Variants in LAMA2 observed in about 807,000 individuals in gnomAD.
LAMA2 encodes the protein laminin subunit alpha-2.
In LAMA2, 269 loss-of-function variants were observed where a neutral mutation model predicts 364.8. That is an observed-to-expected ratio of 0.74 (90% CI 0.67 to 0.82). LAMA2 has a LOEUF of 0.82. Ranked by LOEUF, LAMA2 falls within the 40% of genes least tolerant of loss-of-function variation. LAMA2 has a pLI of 0.00. For missense variants in LAMA2, 3,807 were observed against 3,873.2 expected (o/e 0.98, Z 0.45); for synonymous variants, 1,379 against 1,370.6 (o/e 1.01, Z -0.14).
Position 128,909,765 on chromosome 6 carries a change from T to G in LAMA2, c.112+26408T>G, listed in dbSNP as rs564012813. Among the ~76,000 whole-genome samples, 6 of 152,278 alleles carry G rather than the reference T, an allele frequency of 3.9e-5. No individual in the cohort carries two copies. The East Asian group carries it at 1.2e-3, about 29-fold the overall frequency. On this transcript the variant is annotated intron_variant, in intron 1 of 64. Coordinates refer to ENST00000421865, the MANE Select transcript of LAMA2 (RefSeq NM_000426.4). ...TTTACATTTTGGCATGATTTTGCAG[T>G]GGCTTGTACTGGTTGTTCCTTTCCA...
At chr6:129,066,306 A>C (rs949793254) in intron 3 of LAMA2, among the ~76,000 whole-genome samples, 7 of 151,622 alleles carry the variant, frequency 4.6e-5, no homozygotes, top group Non-Finnish European at 1.0e-4. Flanking sequence ...CGGCCTCCCA[A>C]AGTGCTGGGA....
chr6:129,141,337 T>C (rs1778113587), intron 4 of LAMA2, among the ~76,000 whole-genome samples: 1 of 152,046 alleles, frequency 6.6e-6, no homozygotes, highest in South Asian at 2.1e-4. Flanking sequence ...ACCTGCTAGG[T>C]GCCAGAAATG....
Position 129,106,150 on chromosome 6 carries a change from A to G in LAMA2, c.639+7735A>G, listed in dbSNP as rs547099285. Among the ~76,000 whole-genome samples, 194 of 148,780 alleles carry G rather than the reference A, an allele frequency of 1.3e-3. 2 individuals are homozygous for G. Among genetic ancestry groups the G allele is most frequent in the African/African-American group, 4.6e-3 (187 of 40,776 alleles). On this transcript the variant is annotated intron_variant, in intron 4 of 64. Transcript: ENST00000421865. Reference sequence around the variant, plus strand: ...GAGAAACCATCATTAAATCTTGAAGACACTTTTTTTTTTTTTTGTAAACTG... The same window carrying G: ...GAGAAACCATCATTAAATCTTGAAGGCACTTTTTTTTTTTTTTGTAAACTG...
At chr6:129,488,638 C>G (rs1324423370) in intron 56 of LAMA2, among the ~76,000 whole-genome samples, 2 of 152,172 alleles carry the variant, frequency 1.3e-5, no homozygotes, top group Non-Finnish European at 2.9e-5. Context: ...TTTTGCCATT[C>G]ATTGTTAATT....
intron 41 of LAMA2, among the ~76,000 whole-genome samples, chr6:129,434,239 A>G: frequency 6.6e-6 from 1 of 152,158 alleles, no homozygotes; most frequent in South Asian, 2.1e-4. Context: ...GTGCCATTTC[A>G]ATGGGCATGT....
chr6:129,228,615 G>A (rs1562356677), intron 12 of LAMA2, among the ~76,000 whole-genome samples: 1 of 152,020 alleles, frequency 6.6e-6, no homozygotes, highest in Non-Finnish European at 1.5e-5. Context: ...CATAACACAT[G>A]TGTATAATAC....
chr6:129,148,403 T>C (rs1454867886), intron 6 of LAMA2, among the ~76,000 whole-genome samples: 1 of 152,034 alleles, frequency 6.6e-6, no homozygotes, highest in Non-Finnish European at 1.5e-5. Flanking sequence ...AGCTAATGCA[T>C]GCAGGGTGCT....
intron 1 of LAMA2, among the ~76,000 whole-genome samples, chr6:128,906,102 C>T (rs1187360859): frequency 1.1e-4 from 16 of 148,842 alleles, no homozygotes; most frequent in Non-Finnish European, 1.9e-4. Flanking sequence ...CATATGTGTG[C>T]ATGTGTCTTT....
intron 32 of LAMA2, among the ~76,000 whole-genome samples, 168 bp from the exon 33 acceptor site, chr6:129,366,051 T>C (rs1777755491): frequency 6.6e-6 from 1 of 152,206 alleles, no homozygotes; most frequent in South Asian, 2.1e-4. Context: ...GTTGTTCTTA[T>C]CTTTCCTCAA....
chr6:129,396,921 A>T (rs1411844965), intron 37 of LAMA2, among the ~76,000 whole-genome samples: 1 of 151,074 alleles, frequency 6.6e-6, no homozygotes, highest in Non-Finnish European at 1.5e-5. Context: ...GCCTGCAGTG[A>T]GCTGTGATCA....
chr6:128,902,012 T>C (rs1777115973), intron 1 of LAMA2, among the ~76,000 whole-genome samples: 1 of 152,172 alleles, frequency 6.6e-6, no homozygotes, highest in African/African-American at 2.4e-5. Flanking sequence ...CTTACAATCA[T>C]GACAGAAGGG....
intron 1 of LAMA2, among the ~76,000 whole-genome samples, chr6:128,953,977 A>G (rs1438250795): frequency 6.6e-6 from 1 of 152,152 alleles, no homozygotes; most frequent in Non-Finnish European, 1.5e-5. Context: ...TTAGGGATCA[A>G]ATTGTATCCT....
intron 63 of LAMA2, among the ~76,000 whole-genome samples, chr6:129,514,125 C>T (rs1040636867): frequency 6.6e-6 from 1 of 152,172 alleles, no homozygotes; most frequent in Non-Finnish European, 1.5e-5. Context: ...TTATTACCAG[C>T]TTTACGTATC....
intron 1 of LAMA2, among the ~76,000 whole-genome samples, chr6:128,903,569 A>G (rs1371018281): frequency 1.3e-5 from 2 of 152,132 alleles, no homozygotes; most frequent in Non-Finnish European, 2.9e-5. Flanking sequence ...TGGATTATAA[A>G]TATGTTTGTG....
intron 51 of LAMA2, among the ~76,000 whole-genome samples, chr6:129,472,493 C>T (rs1015180315): frequency 2.0e-5 from 3 of 151,968 alleles, no homozygotes; most frequent in Non-Finnish European, 2.9e-5. Context: ...TTCCTGTCTG[C>T]TTTCTAAACA....
At chr6:129,081,083 G>T (rs1774020639) in intron 3 of LAMA2, among the ~76,000 whole-genome samples, 1 of 152,174 alleles carries the variant, frequency 6.6e-6, no homozygotes, top group Non-Finnish European at 1.5e-5. Flanking sequence ...AAGAGTTCAT[G>T]TCCTTTGTAG....
intron 10 of LAMA2, among the ~76,000 whole-genome samples, chr6:129,185,765 G>A (rs925142783): frequency 6.6e-6 from 1 of 151,724 alleles, no homozygotes; most frequent in Non-Finnish European, 1.5e-5. Flanking sequence ...CATAATATGT[G>A]AGAATATAAA....
At chr6:129,123,370 G>GATAT (rs139516848) in intron 4 of LAMA2, among the ~76,000 whole-genome samples, 10 of 145,830 alleles carry the variant, frequency 6.9e-5, no homozygotes, top group East Asian at 2.0e-4. Context: ...ATGTGTGTGA[G>GATAT]ATATATATAT....
chr6:129,013,891 G>A (rs772048019), intron 1 of LAMA2, among the ~76,000 whole-genome samples: 4 of 152,090 alleles, frequency 2.6e-5, no homozygotes, highest in Non-Finnish European at 5.9e-5. Flanking sequence ...GCTTGGATGA[G>A]ATAGGTTTCA....
Sources: gnomAD v4.1 joint callset for allele counts (sites outside exome capture counted in the v4.1 genomes callset) on GRCh38, gnomAD v4.1.1 for gene constraint, MANE v1.5 for transcripts, NCBI Gene and HGNC (gene_info 2026-07-23, HGNC 2026-07-21) for gene names.